Variants in USP46 observed in about 807,000 individuals in gnomAD.
USP46 encodes the protein ubiquitin carboxyl-terminal hydrolase 46.
Under a neutral mutation model 44.4 loss-of-function variants are expected in USP46, and 12 were observed. The ratio of observed to expected loss-of-function variants is 0.27; its 90% CI spans 0.17 to 0.44. USP46 has a LOEUF of 0.44. Ranked by LOEUF, USP46 falls within the 20% of genes least tolerant of loss-of-function variation. The pLI, the probability that USP46 is intolerant of heterozygous loss-of-function variation, is 1.00. For synonymous variants in USP46, 155 were observed against 161.5 expected (o/e 0.96, Z 0.31); for missense variants, 248 against 444.8 (o/e 0.56, Z 3.98).
chr4:52,598,056 C>T (rs562423001), intron 8 of USP46, among the ~76,000 whole-genome samples: 2 of 152,184 alleles, frequency 1.3e-5, no homozygotes, highest in Admixed American at 6.5e-5. Context: ...TAAGTCTTTT[C>T]GGCCACCAGA....
rs1716062673 is a variant in USP46 at position 52,592,616 on chromosome 4, G to C, written c.*5024C>G. On this transcript the variant is annotated 3_prime_UTR_variant, in exon 9 of 9. Transcript: ENST00000441222. Reference sequence around the variant, plus strand: ...TAATCCCAGCACTTTGGGAGGCTGAGGCACCTGAAGTCAGGAGTTCCAGAC... The same window carrying C: ...TAATCCCAGCACTTTGGGAGGCTGACGCACCTGAAGTCAGGAGTTCCAGAC... 3.1e-6 allele frequency: 1 copy of C among 321,286 alleles called. No individual in the cohort carries two copies. The highest frequency in any genetic ancestry group is 5.6e-6 in the Non-Finnish European group (1 of 178,188). The allele number at this position is 321,286 out of a possible 1,614,324, so 19.9% of individuals were successfully genotyped here.
rs573366081 is a variant in USP46, at chr4:52,601,453, T to G, written c.920+404A>C. On this transcript the variant is annotated intron_variant, in intron 7 of 8. Coordinates refer to ENST00000441222, the MANE Select transcript of USP46 (RefSeq NM_022832.4). ...TTTAATCACTCAAAGTGCCAAAAAA[T>G]TATTAAATTTGATCCATTGCTTCTA... Among the ~76,000 whole-genome samples, 44 of 152,316 alleles carry G rather than the reference T, an allele frequency of 2.9e-4. No homozygotes were observed. In the South Asian group the frequency reaches 8.7e-3, roughly 30 times the overall value.
At chr4:52,619,301 A>G (rs935053982) in intron 4 of USP46, among the ~76,000 whole-genome samples, 7 of 107,178 alleles carry the variant, frequency 6.5e-5, no homozygotes, top group African/African-American at 1.9e-4. Context: ...GAGACCCAGG[A>G]AAAAAAAAAA....
intron 1 of USP46, among the ~76,000 whole-genome samples, chr4:52,635,377 A>G (rs1248799212): frequency 6.6e-6 from 1 of 152,196 alleles, no homozygotes; most frequent in Non-Finnish European, 1.5e-5. Flanking sequence ...TCAAACAACC[A>G]AGCCGACTAG....
intron 4 of USP46, 50 bp downstream of exon 4, chr4:52,625,967 CG>C: frequency 8.7e-6 from 13 of 1,502,410 alleles, no homozygotes; most frequent in Non-Finnish European, 1.2e-5. Context: ...TGCAACATAG[CG>C]TACATAAATA....
At chr4:52,645,324 C>T (rs1718512949) in intron 1 of USP46, among the ~76,000 whole-genome samples, 1 of 151,540 alleles carries the variant, frequency 6.6e-6, no homozygotes, top group African/African-American at 2.4e-5. Context: ...ACCTGGGATA[C>T]TTGACTACAT....
intron 1 of USP46, among the ~76,000 whole-genome samples, chr4:52,645,386 G>A (rs1217242693): frequency 6.6e-6 from 1 of 152,114 alleles, no homozygotes; most frequent in Non-Finnish European, 1.5e-5. Context: ...CTAGAAAGAA[G>A]CTGTGGCTGG....
At chr4:52,611,020 T>C (rs1001502809) in intron 4 of USP46, among the ~76,000 whole-genome samples, 2 of 152,256 alleles carry the variant, frequency 1.3e-5, no homozygotes, top group African/African-American at 4.8e-5. Flanking sequence ...CATCCCTTGT[T>C]GAGTCGTTTC....
intron 4 of USP46, among the ~76,000 whole-genome samples, chr4:52,621,142 A>C (rs1188686770): frequency 6.6e-6 from 1 of 152,206 alleles, no homozygotes; most frequent in Non-Finnish European, 1.5e-5. Flanking sequence ...AAACTTATAG[A>C]AGCTCTTCCA....
intron 5 of USP46, among the ~76,000 whole-genome samples, chr4:52,607,299 G>A (rs563779691): frequency 1.3e-5 from 2 of 152,278 alleles, no homozygotes; most frequent in Non-Finnish European, 2.9e-5. Context: ...GAGAAGGCGA[G>A]GACCCCAGCA....
intron 4 of USP46, among the ~76,000 whole-genome samples, chr4:52,617,727 G>C (rs559167896): frequency 6.6e-5 from 10 of 150,620 alleles, no homozygotes; most frequent in Admixed American, 6.6e-4. Context: ...GGGTTTTTTT[G>C]TTGTTGTTGG....
In USP46 at chr4:52,602,030, C is replaced by T. The variant is rs1345991047; in HGVS notation, c.747G>A (p.Met249Ile). Residue 249 changes from methionine to isoleucine, a missense_variant, in exon 7 of 9, where the codon ATG becomes ATA. Physicochemically the swap from Met to Ile is conservative, Grantham distance 10. This residue lies in a region of USP46 where 98 missense variants were observed against 218.2 expected (regional missense o/e 0.45). Coordinates refer to ENST00000441222, the MANE Select transcript of USP46 (RefSeq NM_022832.4). ...ACCGCTTTAGGTGCAGGGCCAAGAT[C>T]ATGGGCAGCTTTTTTACCCTCATCC... ...QKRMRVKKLP[M>I]ILALHLKRFK... 1.2e-6 allele frequency: 2 copies of T among 1,613,106 alleles called. No homozygotes were observed. The highest frequency in any genetic ancestry group is 2.2e-5 in the East Asian group (1 of 44,860).
intron 1 of USP46, among the ~76,000 whole-genome samples, chr4:52,639,355 G>C (rs1718241808): frequency 6.6e-6 from 1 of 152,244 alleles, no homozygotes; most frequent in Non-Finnish European, 1.5e-5. Flanking sequence ...GCAAGAGGAT[G>C]CAGCGTGGGC....
intron 1 of USP46, among the ~76,000 whole-genome samples, chr4:52,652,148 TC>T: frequency 1.3e-5 from 2 of 152,126 alleles, no homozygotes; most frequent in Admixed American, 6.5e-5. Flanking sequence ...ATGTTCAACC[TC>T]CCCTAGCAAA....
intron 1 of USP46, among the ~76,000 whole-genome samples, chr4:52,643,134 T>C (rs1486426384): frequency 6.6e-6 from 1 of 152,170 alleles, no homozygotes; most frequent in African/African-American, 2.4e-5. Context: ...CTTTAAAAGA[T>C]ACGAACCCAC....
intron 1 of USP46, among the ~76,000 whole-genome samples, chr4:52,652,862 C>A (rs938968634): frequency 1.6e-4 from 25 of 152,160 alleles, no homozygotes; most frequent in African/African-American, 5.3e-4. Context: ...CACGAGTATT[C>A]ACTCTATTAT....
At chr4:52,629,867 A>G (rs918003810) in intron 2 of USP46, among the ~76,000 whole-genome samples, 2 of 152,164 alleles carry the variant, frequency 1.3e-5, no homozygotes, top group African/African-American at 4.8e-5. Context: ...CTTGCCCAAG[A>G]TCACACAAGC....
chr4:52,638,836 T>A (rs542131313), intron 1 of USP46, among the ~76,000 whole-genome samples: 1 of 151,964 alleles, frequency 6.6e-6, no homozygotes, highest in Non-Finnish European at 1.5e-5. Flanking sequence ...TCCATGTGCA[T>A]GATAATTTGG....
At chr4:52,610,411 G>C (rs1255238917) in intron 5 of USP46, 130 bp downstream of exon 5, 1 of 772,154 alleles carries the variant, frequency 1.3e-6, no homozygotes, top group African/African-American at 1.8e-5. Context: ...TGGGAAAGGA[G>C]AGATAGAAAA....
Sources: allele counts gnomAD v4.1 joint callset (sites outside exome capture counted in the v4.1 genomes callset), GRCh38; gene constraint gnomAD v4.1.1; regional missense constraint gnomAD v4.1.1; transcripts MANE v1.5; gene names NCBI Gene and HGNC (gene_info 2026-07-23, HGNC 2026-07-21).